The following TSC22D2 variants were observed in gnomAD, a reference collection of about 807,000 sequenced individuals.
TSC22D2 encodes TSC22 domain family member 2, also known as TSC22 domain family protein 2.
TSC22D2 carries 5 observed loss-of-function variants against 50.1 expected under a neutral mutation model. That is an observed-to-expected ratio of 0.10 (90% CI 0.05 to 0.21). The LOEUF is 0.21. Ranked by LOEUF, TSC22D2 falls within the 10% of genes least tolerant of loss-of-function variation. The pLI, the probability that TSC22D2 is intolerant of heterozygous loss-of-function variation, is 1.00. For synonymous variants in TSC22D2, 501 were observed against 450.1 expected (o/e 1.11, Z -1.43); for missense variants, 1,003 against 1,015.5 (o/e 0.99, Z 0.17).
intron 1 of TSC22D2, among the ~76,000 whole-genome samples, chr3:150,449,441 T>C (rs763230461): frequency 2.6e-5 from 4 of 152,184 alleles, no homozygotes; most frequent in Non-Finnish European, 5.9e-5. Flanking sequence ...TCCTTCTTTA[T>C]GTGTATATAA....
rs1257169619 is a variant in TSC22D2 at position 150,462,290 on chromosome 3, C to T, written c.*3654C>T. On this transcript the variant is annotated 3_prime_UTR_variant, in exon 3 of 3. Transcript: ENST00000688009. The stretch of plus-strand genomic sequence containing the variant: ...GCCACAGAATTGCATTGGAGACAGG[C>T]AGGCAGTGACTTCCCCACTGACCTA... 1 of 152,180 alleles carries T rather than the reference C, an allele frequency of 6.6e-6. No individual in the cohort carries two copies. The highest frequency in any genetic ancestry group is 1.9e-4 in the East Asian group (1 of 5,192). The allele number at this position is 152,180 out of a possible 1,614,324, so 9.4% of individuals were successfully genotyped here.
chr3:150,417,993 C>G (rs1392157774), intron 1 of TSC22D2, among the ~76,000 whole-genome samples: 1 of 151,900 alleles, frequency 6.6e-6, no homozygotes, highest in African/African-American at 2.4e-5. Context: ...TTTTAAGATT[C>G]CTTCTAGCCT....
Position 150,409,829 on chromosome 3 carries a change from C to G in TSC22D2, c.479C>G (p.Ser160Cys). Residue 160 changes from serine to cysteine, a missense_variant, in exon 1 of 3, where the codon TCC (serine) becomes TGC (cysteine). Coordinates refer to ENST00000688009, the MANE Select transcript of TSC22D2 (RefSeq NM_001303264.2). This position sits in a 1 kb window ranked among gnomAD's most constrained non-coding sequence, Gnocchi z 7.4. Reference protein sequence around the residue: ...APSQPPTTCSSRFRVIKLDHG... With the variant: ...APSQPPTTCSCRFRVIKLDHG... ...TCTCAGCCTCCCACCACATGTAGTT[C>G]CCGTTTTCGCGTGATCAAGCTGGAC... 1 of 1,606,162 alleles carries G rather than the reference C, an allele frequency of 6.2e-7. No individual in the cohort carries two copies. Among genetic ancestry groups the G allele is most frequent in the Non-Finnish European group, 8.5e-7 (1 of 1,179,988 alleles).
At position 150,409,625 on chromosome 3, in the gene TSC22D2, G is replaced by C; in HGVS notation, c.275G>C (p.Gly92Ala). The change falls in exon 1 of 3, where the codon GGG becomes GCG. Residue 92 changes from glycine (G) to alanine (A), a missense_variant. Around this residue, in one of 6 missense-constraint regions of TSC22D2, gnomAD observed 200 missense variants for 182.8 expected, o/e 1.09. Coordinates refer to ENST00000688009, the MANE Select transcript of TSC22D2 (RefSeq NM_001303264.2). The surrounding 1 kb of genome is among the most constrained non-coding windows in gnomAD (Gnocchi z 7.4). ...GTCTCCCCAAACCTCCTCCTAGATG[G>C]GCAGCTGGCAGCGGCGGCTGCTGCT... ...GTVSPNLLLD[G>A]QLAAAAAAPA... The C allele has an allele frequency of 6.2e-7, 1 of 1,609,680 alleles. No homozygotes were observed. Among genetic ancestry groups the C allele is most frequent in the Non-Finnish European group, 8.5e-7 (1 of 1,177,656 alleles).
At position 150,409,595 on chromosome 3, in the gene TSC22D2, G is replaced by T. The variant is rs1376970485; in HGVS notation, c.245G>T (p.Gly82Val). 1.9e-6 allele frequency: 3 copies of T among 1,601,634 alleles called. No homozygotes were observed. The highest frequency in any genetic ancestry group is 2.6e-6 in the Non-Finnish European group (3 of 1,170,758). ...AATGTTGGGGATGCGGAGACTCCCG[G>T]GACCGTCTCCCCAAACCTCCTCCTA... is the stretch of plus-strand genomic sequence containing the variant. ...LNNVGDAETPGTVSPNLLLDG... is the reference protein window; with the variant it reads ...LNNVGDAETPVTVSPNLLLDG... Residue 82 changes from glycine (G) to valine (V), a missense_variant, in exon 1 of 3, where the codon GGG becomes GTG. Transcript: ENST00000688009. The surrounding 1 kb of genome is among the most constrained non-coding windows in gnomAD (Gnocchi z 7.4).
chr3:150,434,862 ATATATATT>A (rs1720487153), intron 1 of TSC22D2, among the ~76,000 whole-genome samples: 1 of 126,436 alleles, frequency 7.9e-6, no homozygotes, highest in Admixed American at 7.8e-5. Context: ...ATGTATACAT[ATATATATT>A]TAGTTTCTGG....
intron 1 of TSC22D2, among the ~76,000 whole-genome samples, chr3:150,436,516 A>G (rs901013890): frequency 2.0e-5 from 3 of 152,198 alleles, no homozygotes; most frequent in African/African-American, 7.2e-5. Flanking sequence ...TTTGTCCTAT[A>G]AAAAGTAAAT....
At chr3:150,445,453 A>T (rs1046236280) in intron 1 of TSC22D2, among the ~76,000 whole-genome samples, 3 of 147,614 alleles carry the variant, frequency 2.0e-5, no homozygotes, top group African/African-American at 8.1e-5. Context: ...AATACAAAAA[A>T]TCAATTAAGG....
rs1721511177 is a variant in TSC22D2 at position 150,464,917 on chromosome 3, T to C, written c.*6281T>C. 1 of 152,216 alleles carries C rather than the reference T, an allele frequency of 6.6e-6. No homozygotes were observed. The highest frequency in any genetic ancestry group is 2.4e-5 in the African/African-American group (1 of 41,472). 9.4% of individuals were successfully genotyped at this position (152,216 alleles called of 1,614,324 possible). A position where few individuals can be genotyped will look rare whatever the true frequency, so the allele number is the denominator to read the frequency against. On this transcript the variant is annotated 3_prime_UTR_variant, in exon 3 of 3. Coordinates refer to ENST00000688009, the MANE Select transcript of TSC22D2 (RefSeq NM_001303264.2). ...TTCATGTGTCATGAATTATATTGTC[T>C]ATTGTCTCATAAGCAACAAGTGACA...
At chr3:150,426,145 G>A (rs1720177776) in intron 1 of TSC22D2, among the ~76,000 whole-genome samples, 1 of 152,108 alleles carries the variant, frequency 6.6e-6, no homozygotes, top group African/African-American at 2.4e-5. Context: ...TACTGATAAC[G>A]CAAAAATAAT....
In TSC22D2 at chr3:150,409,642, G is replaced by T. The variant is rs1719426584; in HGVS notation, c.292G>T (p.Ala98Ser). 1 of 1,607,672 alleles carries T rather than the reference G, an allele frequency of 6.2e-7. No homozygotes were observed. The highest frequency in any genetic ancestry group is 1.3e-5 in the African/African-American group (1 of 74,978). ...LLLDGQLAAAAAAPANGGGVV... is the reference protein window; with the variant it reads ...LLLDGQLAAASAAPANGGGVV... ...CCTAGATGGGCAGCTGGCAGCGGCG[G>T]CTGCTGCTCCCGCCAACGGAGGAGG... The change falls in exon 1 of 3, where the codon GCT (alanine) becomes TCT (serine). Residue 98 changes from alanine (A) to serine (S), a missense_variant. Ala to Ser is a moderately conservative substitution (Grantham distance 99). Coordinates refer to ENST00000688009, the MANE Select transcript of TSC22D2 (RefSeq NM_001303264.2). This position sits in a 1 kb window ranked among gnomAD's most constrained non-coding sequence, Gnocchi z 7.4.
chr3:150,428,276 A>G (rs943923419), intron 1 of TSC22D2, among the ~76,000 whole-genome samples: 1 of 152,236 alleles, frequency 6.6e-6, no homozygotes, highest in Middle Eastern at 3.4e-3. Flanking sequence ...TATCACATAT[A>G]TAAATGTTTT....
Position 150,456,187 on chromosome 3 carries a change from T to G in TSC22D2, c.1959-889T>G, listed in dbSNP as rs545658277. Among the ~76,000 whole-genome samples the G allele has an allele frequency of 1.2e-4, 18 of 146,902 alleles. No individual in the cohort carries two copies. In the South Asian group the frequency reaches 2.1e-3, roughly 17 times the overall value. On this transcript the variant is annotated intron_variant, in intron 1 of 2. Coordinates refer to ENST00000688009, the MANE Select transcript of TSC22D2 (RefSeq NM_001303264.2). ...AGAATGTTGTTTCTTTTTGTTTTTT[T>G]TTTTTTTGTTTTTTTTTGAGATGGA...
chr3:150,425,118 C>T lies in TSC22D2; in HGVS notation c.1958+13810C>T, dbSNP rs115362888. 5.3e-3 allele frequency among the ~76,000 whole-genome samples: 801 copies of T among 152,190 alleles called. 13 individuals are homozygous for T. Among genetic ancestry groups the T allele is most frequent in the African/African-American group, 0.019 (773 of 41,516 alleles). ...AATATAACTTCTGACCTTGATTGTT[C>T]TGGAAATCACCAAATCACATTGTTC... On this transcript the variant is annotated intron_variant, in intron 1 of 2. Coordinates refer to ENST00000688009, the MANE Select transcript of TSC22D2 (RefSeq NM_001303264.2).
In TSC22D2 at chr3:150,461,100, G is replaced by A. The variant is rs533601555; in HGVS notation, c.*2464G>A. ...TAGAAAGAAAGACAGGCTTTCCTGT[G>A]TACTTTTAGAAAGTAATTTGGCAGT... On this transcript the variant is annotated 3_prime_UTR_variant, in exon 3 of 3. Coordinates refer to ENST00000688009, the MANE Select transcript of TSC22D2 (RefSeq NM_001303264.2). The A allele has an allele frequency of 1.3e-5, 2 of 152,230 alleles. No homozygotes were observed. Among genetic ancestry groups the A allele is most frequent in the Admixed American group, 6.5e-5 (1 of 15,296 alleles). 9.4% of individuals were successfully genotyped at this position (152,230 alleles called of 1,614,324 possible). A position where few individuals can be genotyped will look rare whatever the true frequency, so the allele number is the denominator to read the frequency against.
At chr3:150,418,214 T>C (rs142448625) in intron 1 of TSC22D2, among the ~76,000 whole-genome samples, 128 of 152,104 alleles carry the variant, frequency 8.4e-4, no homozygotes, top group Middle Eastern at 6.8e-3. Context: ...TAGTGAGCAC[T>C]GGAATACAAA....
chr3:150,449,779 GAGGAGAGAAA>G (rs1335121246), intron 1 of TSC22D2, among the ~76,000 whole-genome samples: 1 of 152,090 alleles, frequency 6.6e-6, no homozygotes, highest in Non-Finnish European at 1.5e-5. Context: ...GAGGTCGGGA[GAGGAGAGAAA>G]AGGAGAGAAA....
At chr3:150,445,253 C>T (rs1427593663) in intron 1 of TSC22D2, among the ~76,000 whole-genome samples, 1 of 151,158 alleles carries the variant, frequency 6.6e-6, no homozygotes, top group African/African-American at 2.4e-5. Context: ...GCGGAGGTTG[C>T]ACTGAGCAGA....
chr3:150,463,910 G>A lies in TSC22D2; in HGVS notation c.*5274G>A, dbSNP rs996467474. 3 of 152,158 alleles carry A rather than the reference G, an allele frequency of 2.0e-5. No individual in the cohort carries two copies. Among genetic ancestry groups the A allele is most frequent in the East Asian group, 3.8e-4 (2 of 5,204 alleles). 9.4% of individuals were successfully genotyped at this position (152,158 alleles called of 1,614,324 possible). ...AGCTTTATTTTTCATTCTCAGCAGG[G>A]AAACTGATAGACTAGGCAGTTTGGG... is the stretch of plus-strand genomic sequence containing the variant. On this transcript the variant is annotated 3_prime_UTR_variant, in exon 3 of 3. Coordinates refer to ENST00000688009, the MANE Select transcript of TSC22D2 (RefSeq NM_001303264.2).
Sources: allele counts gnomAD v4.1 joint callset (sites outside exome capture counted in the v4.1 genomes callset), GRCh38; gene constraint gnomAD v4.1.1; regional missense constraint gnomAD v4.1.1; non-coding constraint Gnocchi (gnomAD v3.1); transcripts MANE v1.5; gene names NCBI Gene and HGNC (gene_info 2026-07-23, HGNC 2026-07-21).